Variants in CNTN5 observed in about 807,000 individuals in gnomAD.
The protein encoded by CNTN5 is contactin 5.
CNTN5 carries 77 observed loss-of-function variants against 129.1 expected under a neutral mutation model. The ratio of observed to expected loss-of-function variants is 0.60; its 90% CI spans 0.50 to 0.72. CNTN5 has a LOEUF of 0.72. CNTN5 is among the 30% of genes least tolerant of loss of function. CNTN5 has a pLI of 0.00. For missense variants in CNTN5, 1,478 were observed against 1,328.8 expected, an observed-to-expected ratio of 1.11 and a Z score of -1.75; for synonymous variants, 509 against 465.6, an observed-to-expected ratio of 1.09 and a Z score of -1.20.
rs1018043155 is a variant in CNTN5 at position 99,265,819 on chromosome 11, A to C, written c.-209-59527A>C. On this transcript the variant is annotated intron_variant, in intron 1 of 24. Coordinates refer to ENST00000524871, the MANE Select transcript of CNTN5 (RefSeq NM_014361.4). ...TGAATGAAATAGGCTTTAAAATAATAAAATCTCATTCACTCGGTAAGTAGC... is the reference window on the plus strand; with the variant it reads ...TGAATGAAATAGGCTTTAAAATAATCAAATCTCATTCACTCGGTAAGTAGC... Among the ~76,000 whole-genome samples, 7 of 152,210 alleles carry C rather than the reference A, an allele frequency of 4.6e-5. No individual in the cohort carries two copies. In the South Asian group the frequency reaches 1.4e-3, roughly 32 times the overall value.
chr11:99,655,245 T>C (rs368966993), intron 3 of CNTN5, among the ~76,000 whole-genome samples: 17 of 152,234 alleles, frequency 1.1e-4, no homozygotes, highest in African/African-American at 4.1e-4. Context: ...CTTACAAGCC[T>C]AATGTCAGAA....
chr11:99,784,736 T>C (rs1483217153), intron 3 of CNTN5, among the ~76,000 whole-genome samples: 4 of 151,814 alleles, frequency 2.6e-5, no homozygotes, highest in Non-Finnish European at 4.4e-5. Flanking sequence ...CCAGCATCTG[T>C]TGTTTCCTGA....
intron 8 of CNTN5, among the ~76,000 whole-genome samples, chr11:99,991,509 C>T (rs141228172): frequency 1.2e-4 from 18 of 152,060 alleles, no homozygotes; most frequent in Non-Finnish European, 2.6e-4. Flanking sequence ...AAAAAAATAA[C>T]TCTTCTGGTT....
chr11:99,266,946 A>G (rs759927674), intron 1 of CNTN5, among the ~76,000 whole-genome samples: 15 of 152,096 alleles, frequency 9.9e-5, no homozygotes, highest in Non-Finnish European at 1.9e-4. Flanking sequence ...ATCTTGGACT[A>G]TGGACAGAAG....
At chr11:100,013,529 G>A (rs1365891746) in intron 9 of CNTN5, among the ~76,000 whole-genome samples, 1 of 152,060 alleles carries the variant, frequency 6.6e-6, no homozygotes, top group African/African-American at 2.4e-5. Context: ...ACCTTGTCCT[G>A]GATGGTTTCC....
intron 8 of CNTN5, among the ~76,000 whole-genome samples, chr11:99,971,437 G>A (rs931895495): frequency 1.3e-5 from 2 of 151,896 alleles, no homozygotes; most frequent in East Asian, 3.9e-4. Flanking sequence ...CAACTACTGG[G>A]GAGGCTGAGG....
At chr11:99,652,115 A>C (rs1952179546) in intron 3 of CNTN5, among the ~76,000 whole-genome samples, 1 of 152,074 alleles carries the variant, frequency 6.6e-6, no homozygotes, top group Non-Finnish European at 1.5e-5. Flanking sequence ...CTGCAGTCTT[A>C]TCTCTCATCT....
chr11:99,998,882 C>T (rs1056337556), intron 8 of CNTN5, among the ~76,000 whole-genome samples: 9 of 150,038 alleles, frequency 6.0e-5, no homozygotes, highest in African/African-American at 2.2e-4. Flanking sequence ...CTTTGACAAA[C>T]CTGACAAAAA....
chr11:99,905,495 C>T (rs1352317937), intron 6 of CNTN5, among the ~76,000 whole-genome samples: 4 of 152,084 alleles, frequency 2.6e-5, no homozygotes, highest in Admixed American at 6.6e-5. Context: ...TTCCACTGGT[C>T]TATATATCCG....
chr11:99,357,199 T>G (rs1257166316), intron 2 of CNTN5, among the ~76,000 whole-genome samples: 1 of 151,882 alleles, frequency 6.6e-6, no homozygotes, highest in African/African-American at 2.4e-5. Context: ...GCTTTTAAAT[T>G]CTCTCATATT....
intron 24 of CNTN5, among the ~76,000 whole-genome samples, chr11:100,352,470 C>T (rs1383310953): frequency 6.6e-6 from 1 of 151,490 alleles, no homozygotes; most frequent in Non-Finnish European, 1.5e-5. Flanking sequence ...CAATTCATTT[C>T]AAATGTTTCA....
At chr11:99,193,153 T>TATCAA (rs1858731723) in intron 1 of CNTN5, among the ~76,000 whole-genome samples, 1 of 152,178 alleles carries the variant, frequency 6.6e-6, no homozygotes, top group Admixed American at 6.5e-5. Flanking sequence ...TGGAGATTTT[T>TATCAA]ATCAAATTCA....
chr11:99,091,096 A>T (rs1866232090), intron 1 of CNTN5, among the ~76,000 whole-genome samples: 1 of 152,028 alleles, frequency 6.6e-6, no homozygotes. Context: ...AGGAAATGAA[A>T]TCGAGACCTA....
intron 2 of CNTN5, among the ~76,000 whole-genome samples, chr11:99,414,448 T>C (rs1316325636): frequency 6.6e-6 from 1 of 151,884 alleles, no homozygotes; most frequent in Non-Finnish European, 1.5e-5. Flanking sequence ...ATTATATACA[T>C]ATGTGTGTAT....
In CNTN5 at chr11:99,112,495, C is replaced by T. The variant is rs189136741; in HGVS notation, c.-210+91225C>T. Among the ~76,000 whole-genome samples the T allele has an allele frequency of 1.1e-3, 170 of 152,054 alleles. 1 individual carries two copies. Among genetic ancestry groups the T allele is most frequent in the African/African-American group, 3.9e-3 (162 of 41,520 alleles). On this transcript the variant is annotated intron_variant, in intron 1 of 24. Coordinates refer to ENST00000524871, the MANE Select transcript of CNTN5 (RefSeq NM_014361.4). ...TAATTTTAATACGAGTTTTCTATTA[C>T]AGAATGAATTAACAAGGCTAGATTG...
At chr11:100,037,246 T>C (rs1325289247) in intron 9 of CNTN5, among the ~76,000 whole-genome samples, 14 of 148,870 alleles carry the variant, frequency 9.4e-5, no homozygotes, top group East Asian at 5.9e-4. Flanking sequence ...TTGTCTTTGG[T>C]TCTGTTTATA....
chr11:99,555,269 T>C (rs1453747847), intron 2 of CNTN5, among the ~76,000 whole-genome samples: 5 of 152,170 alleles, frequency 3.3e-5, no homozygotes, highest in Non-Finnish European at 5.9e-5. Flanking sequence ...TCAAAAATCA[T>C]TGACATACTT....
At chr11:99,876,341 A>C (rs1435694998) in intron 6 of CNTN5, among the ~76,000 whole-genome samples, 1 of 151,998 alleles carries the variant, frequency 6.6e-6, no homozygotes, top group African/African-American at 2.4e-5. Flanking sequence ...CTTTGTACTG[A>C]TATATGCCCC....
intron 1 of CNTN5, among the ~76,000 whole-genome samples, chr11:99,109,672 T>C (rs1857692355): frequency 6.6e-6 from 1 of 152,118 alleles, no homozygotes; most frequent in Non-Finnish European, 1.5e-5. Context: ...GGCATTTGAA[T>C]TATCAGTTTA....
Sources: allele counts gnomAD v4.1 joint callset (sites outside exome capture counted in the v4.1 genomes callset), GRCh38; gene constraint gnomAD v4.1.1; transcripts MANE v1.5; gene names NCBI Gene and HGNC (gene_info 2026-07-23, HGNC 2026-07-21).